The following MPP7 variants were observed in gnomAD, a reference collection of about 807,000 sequenced individuals.
MPP7 encodes the protein MAGUK p55 scaffold protein 7.
MPP7 carries 60 observed loss-of-function variants against 76.5 expected under a neutral mutation model. The observed-to-expected ratio is 0.78, with a 90% confidence interval of 0.64 to 0.97. The LOEUF (loss-of-function observed/expected upper bound fraction) is 0.97, where lower values mean the gene tolerates loss of function less well. Among genes scored for constraint, MPP7 ranks in the 50% least tolerant of loss-of-function variants. MPP7 has a pLI of 0.00. For synonymous variants in MPP7, 237 were observed against 244.5 expected, an observed-to-expected ratio of 0.97 and a Z score of 0.29; for missense variants, 641 against 694.0, an observed-to-expected ratio of 0.92 and a Z score of 0.86.
At chr10:28,261,823 G>A (rs963042889) in intron 1 of MPP7, among the ~76,000 whole-genome samples, 1 of 152,016 alleles carries the variant, frequency 6.6e-6, no homozygotes, top group South Asian at 2.1e-4. Context: ...GAGGCAGGAG[G>A]ATTGCTTGAG....
chr10:28,092,677 A>G (rs1302232166), intron 11 of MPP7, among the ~76,000 whole-genome samples: 1 of 145,264 alleles, frequency 6.9e-6, no homozygotes, highest in Non-Finnish European at 1.5e-5. Context: ...GGCTCAAGCC[A>G]TCTTCCCACC....
rs151262249 is a variant in MPP7, at chr10:28,100,469, C to A, written c.953-10628G>T. ...CTAGATTTACTGAAGTCTAAAGGGG[C>A]TAGGTTAGTCAGCTTCCGTATTGAT... On this transcript the variant is annotated intron_variant, in intron 11 of 16. Transcript: ENST00000683449. Among the ~76,000 whole-genome samples the A allele has an allele frequency of 3.3e-3, 509 of 152,096 alleles. 1 individual carries two copies. Among genetic ancestry groups the A allele is most frequent in the African/African-American group, 0.01 (427 of 41,532 alleles).
chr10:28,275,910 T>A (rs781771845), intron 1 of MPP7, among the ~76,000 whole-genome samples: 6 of 152,034 alleles, frequency 3.9e-5, no homozygotes, highest in Non-Finnish European at 7.3e-5. Context: ...TATGTGTGTA[T>A]CTGTGCAGAA....
intron 2 of MPP7, among the ~76,000 whole-genome samples, chr10:28,224,604 AG>A (rs1838627508): frequency 6.6e-6 from 1 of 152,208 alleles, no homozygotes; most frequent in Non-Finnish European, 1.5e-5. Flanking sequence ...TTCTGGATAA[AG>A]TTCTGATCAT....
At chr10:28,273,851 C>T (rs989054868) in intron 1 of MPP7, among the ~76,000 whole-genome samples, 1 of 152,148 alleles carries the variant, frequency 6.6e-6, no homozygotes, top group Non-Finnish European at 1.5e-5. Flanking sequence ...TACTACAAGG[C>T]AGGCATGGTG....
intron 1 of MPP7, among the ~76,000 whole-genome samples, chr10:28,268,941 A>T (rs1413432012): frequency 6.6e-6 from 1 of 152,094 alleles, no homozygotes. Flanking sequence ...AGAAAAAGAA[A>T]ATGGGGCTAA....
At chr10:28,305,206 T>C (rs1432269307), upstream of MPP7, among the ~76,000 whole-genome samples, 1 of 152,128 alleles carries the variant, frequency 6.6e-6, no homozygotes, top group Non-Finnish European at 1.5e-5. Context: ...AAAAGTGATG[T>C]ATAGCAGGAA....
chr10:28,125,185 AAAC>A (rs1312865949), intron 6 of MPP7, 94 bp from the exon 7 acceptor site: 2 of 1,071,746 alleles, frequency 1.9e-6, no homozygotes, highest in South Asian at 1.4e-5. Flanking sequence ...AAAAAAGAGA[AAAC>A]AACTACAAAA....
intron 1 of MPP7, among the ~76,000 whole-genome samples, chr10:28,296,668 A>G (rs1841044097): frequency 6.6e-6 from 1 of 152,252 alleles, no homozygotes; most frequent in African/African-American, 2.4e-5. Context: ...ATTCACAGAG[A>G]AAAGAATGGT....
intron 3 of MPP7, among the ~76,000 whole-genome samples, chr10:28,182,184 C>CA (rs67403792): frequency 0.82 from 124,569 of 151,102 alleles, 51,930 homozygotes; most frequent in African/African-American, 0.89. Context: ...ATAACCAAAG[C>CA]AAAAAAAATA....
chr10:28,067,158 T>C (rs11006830), intron 13 of MPP7, among the ~76,000 whole-genome samples: 24,684 of 152,108 alleles, frequency 0.16, 2,988 homozygotes, highest in East Asian at 0.62. Flanking sequence ...TACATTCCCA[T>C]CAGCAATGTG....
chr10:28,076,042 G>A (rs187754680), intron 12 of MPP7, among the ~76,000 whole-genome samples: 7 of 152,304 alleles, frequency 4.6e-5, no homozygotes, highest in East Asian at 1.9e-4. Context: ...CCCCTAGAAC[G>A]TGTGGATATG....
In MPP7 at chr10:28,069,846, A is replaced by G; in HGVS notation, c.1130T>C (p.Val377Ala). The G allele has an allele frequency of 6.2e-7, 1 of 1,613,516 alleles. No homozygotes were observed. Among genetic ancestry groups the G allele is most frequent in the South Asian group, 1.1e-5 (1 of 90,948 alleles). ...TTTCAGTTCATTCAGCCCTACTCCC[A>G]CGGGACCTGAAAAACAGGGTAACAG... ...KYRLVVLVGP[V>A]GVGLNELKRK... The change falls in exon 13 of 17, where the codon GTG (valine) becomes GCG (alanine). Residue 377 changes from valine to alanine, a missense_variant. By Grantham distance (64) the Val-to-Ala change is moderately conservative. Coordinates refer to ENST00000683449, the MANE Select transcript of MPP7 (RefSeq NM_001318170.2).
chr10:28,106,395 A>C (rs1300901958), intron 11 of MPP7, among the ~76,000 whole-genome samples: 1 of 152,172 alleles, frequency 6.6e-6, no homozygotes, highest in African/African-American at 2.4e-5. Context: ...GCTTTTGTTT[A>C]TATTAATAAC....
At position 28,105,806 on chromosome 10, in the gene MPP7, G is replaced by A. The variant is rs532547600; in HGVS notation, c.952+13845C>T. Among the ~76,000 whole-genome samples the A allele has an allele frequency of 6.6e-5, 10 of 152,130 alleles. No individual in the cohort carries two copies. The East Asian group carries it at 1.4e-3, about 21-fold the overall frequency. On this transcript the variant is annotated intron_variant, in intron 11 of 16. Transcript: ENST00000683449. ...TGGGATTACAGGCATGAGTCACCAC[G>A]CTCTGCCTCAGCTAATTATTAACAT...
At position 28,162,513 on chromosome 10, in the gene MPP7, A is replaced by C. The variant is rs140035853; in HGVS notation, c.157-12454T>G. 3.0e-3 allele frequency among the ~76,000 whole-genome samples: 461 copies of C among 152,350 alleles called. 1 individual carries two copies. Among genetic ancestry groups the C allele is most frequent in the African/African-American group, 0.01 (416 of 41,588 alleles). On this transcript the variant is annotated intron_variant, in intron 3 of 16. Transcript: ENST00000683449. ...GAAAGAGAGACCTGCTTAGGAAAGA[A>C]AGTGGACAAGTATGGCCACCAAAGG...
intron 5 of MPP7, among the ~76,000 whole-genome samples, chr10:28,141,396 G>A (rs929235636): frequency 6.6e-6 from 1 of 151,958 alleles, no homozygotes; most frequent in African/African-American, 2.4e-5. Context: ...GGTAACGGGG[G>A]AAATTATCTA....
intron 11 of MPP7, among the ~76,000 whole-genome samples, chr10:28,111,664 T>C (rs531737759): frequency 6.6e-6 from 1 of 152,358 alleles, no homozygotes; most frequent in East Asian, 1.9e-4. Context: ...ATCAATGTTA[T>C]ATACATATCA....
chr10:28,079,840 T>C (rs1428617218), intron 12 of MPP7, among the ~76,000 whole-genome samples: 2 of 152,020 alleles, frequency 1.3e-5, no homozygotes, highest in Admixed American at 1.3e-4. Context: ...ATGACAGTCA[T>C]AAAGAATAAG....
Sources: allele counts gnomAD v4.1 joint callset (sites outside exome capture counted in the v4.1 genomes callset), GRCh38; gene constraint gnomAD v4.1.1; transcripts MANE v1.5; gene names NCBI Gene and HGNC (gene_info 2026-07-23, HGNC 2026-07-21).